The following SPATA18 variants were observed in gnomAD, a reference collection of about 807,000 sequenced individuals.
SPATA18 encodes spermatogenesis associated 18, also known as mitochondria-eating protein.
Under a neutral mutation model 68.1 loss-of-function variants are expected in SPATA18, and 54 were observed. The observed-to-expected ratio is 0.79, with a 90% CI of 0.64 to 0.99. The LOEUF (loss-of-function observed/expected upper bound fraction) is 0.99. Ranked by LOEUF, SPATA18 falls within the 50% of genes least tolerant of loss-of-function variation. The pLI, the probability that SPATA18 is intolerant of heterozygous loss-of-function variation, is 0.00. For missense variants in SPATA18, 724 were observed against 681.1 expected (o/e 1.06, Z -0.70); for synonymous variants, 242 against 244.8 (o/e 0.99, Z 0.11).
chr4:52,060,958 C>T (rs892243569), intron 3 of SPATA18, 61 bp downstream of exon 3: 6 of 1,338,308 alleles, frequency 4.5e-6, no homozygotes, highest in Non-Finnish European at 6.4e-6. Context: ...GAATCAGAAA[C>T]CTCCAAGAGA....
At position 52,076,265 on chromosome 4, in the gene SPATA18, A is replaced by T. The variant is rs915298079; in HGVS notation, c.759-514A>T. On this transcript the variant is annotated intron_variant, in intron 6 of 12. Coordinates refer to ENST00000295213, the MANE Select transcript of SPATA18 (RefSeq NM_145263.4). ...GTGATAGGCAAAAGGGTCATCTAAG[A>T]CACCAGACTTGAGGAGGTAGGAAGT... 6.6e-5 allele frequency among the ~76,000 whole-genome samples: 10 copies of T among 152,264 alleles called. 1 individual carries two copies. In the East Asian group the frequency reaches 7.7e-4, roughly 12 times the overall value.
intron 4 of SPATA18, 87 bp from the exon 5 acceptor site, chr4:52,069,734 C>A: frequency 1.2e-6 from 1 of 861,264 alleles, no homozygotes; most frequent in Non-Finnish European, 1.7e-6. Flanking sequence ...TGTCATATAC[C>A]AGAAGTTCCT....
intron 1 of SPATA18, among the ~76,000 whole-genome samples, chr4:52,057,053 T>G (rs1738410525): frequency 6.6e-6 from 1 of 152,144 alleles, no homozygotes; most frequent in African/African-American, 2.4e-5. Flanking sequence ...AGGTTATTTT[T>G]CTGCTCCTAT....
intron 4 of SPATA18, among the ~76,000 whole-genome samples, chr4:52,065,535 T>A (rs972221686): frequency 1.3e-5 from 2 of 152,236 alleles, no homozygotes; most frequent in Non-Finnish European, 2.9e-5. Flanking sequence ...CAACACCGTT[T>A]GTTGAATAGG....
chr4:52,056,979 G>A (rs980611229), intron 1 of SPATA18, among the ~76,000 whole-genome samples: 5 of 152,050 alleles, frequency 3.3e-5, no homozygotes, highest in African/African-American at 1.2e-4. Flanking sequence ...CCGCTAATAT[G>A]CCTTGGTGCC....
chr4:52,077,184 C>T, intron 7 of SPATA18, 144 bp downstream of exon 7: 1 of 867,720 alleles, frequency 1.2e-6, no homozygotes, highest in South Asian at 2.0e-5. Flanking sequence ...TGTCTCCTTC[C>T]TTCTCTTTCT....
intron 11 of SPATA18, 36 bp downstream of exon 11, chr4:52,085,035 ATCTATGGTTGGCTTT>A: frequency 6.7e-7 from 1 of 1,494,950 alleles, no homozygotes; most frequent in Non-Finnish European, 9.0e-7. Context: ...CACAAAATTC[ATCTATGGTTGGCTTT>A]TTTTTTTTTT....
intron 6 of SPATA18, among the ~76,000 whole-genome samples, chr4:52,074,726 A>G (rs1488079035): frequency 6.6e-6 from 1 of 152,218 alleles, no homozygotes; most frequent in African/African-American, 2.4e-5. Flanking sequence ...CAGGGTGTAC[A>G]TCCTAAAGTA....
intron 4 of SPATA18, among the ~76,000 whole-genome samples, chr4:52,067,504 A>G (rs1444787129): frequency 1.3e-5 from 2 of 152,160 alleles, no homozygotes; most frequent in Non-Finnish European, 2.9e-5. Context: ...GACCCAGTCT[A>G]CTGTCTACTT....
At position 52,079,939 on chromosome 4, in the gene SPATA18, A is replaced by C. The variant is rs1740777949; in HGVS notation, c.1355+20A>C. On this transcript the variant is annotated intron_variant, in intron 9 of 12. Transcript: ENST00000295213. ...TTGCAAGTAAGAGACACAGGAGCAG[A>C]AGCTAAGGGATTTATCATGAATACA... The C allele has an allele frequency of 6.2e-7, 1 of 1,604,642 alleles. No individual in the cohort carries two copies. Among genetic ancestry groups the C allele is most frequent in the South Asian group, 1.1e-5 (1 of 89,458 alleles).
At chr4:52,076,095 T>C (rs1740315317) in intron 6 of SPATA18, among the ~76,000 whole-genome samples, 1 of 152,142 alleles carries the variant, frequency 6.6e-6, no homozygotes, top group South Asian at 2.1e-4. Flanking sequence ...CATTTTGGGA[T>C]TTTCCGAGGA....
chr4:52,079,946 G>C, intron 9 of SPATA18, 27 bp downstream of exon 9: 1 of 1,601,894 alleles, frequency 6.2e-7, no homozygotes, highest in Non-Finnish European at 8.5e-7. Flanking sequence ...CAGAAGCTAA[G>C]GGATTTATCA....
intron 4 of SPATA18, among the ~76,000 whole-genome samples, chr4:52,066,309 C>T (rs1400864192): frequency 6.6e-6 from 1 of 152,036 alleles, no homozygotes; most frequent in Non-Finnish European, 1.5e-5. Context: ...CGCCACCATG[C>T]CTGGCTAATT....
chr4:52,094,638 C>A, intron 12 of SPATA18, 66 bp downstream of exon 12: 1 of 1,488,658 alleles, frequency 6.7e-7, no homozygotes, highest in Non-Finnish European at 9.4e-7. Flanking sequence ...GTACTTAGCA[C>A]TGAGCAGCAA....
intron 9 of SPATA18, among the ~76,000 whole-genome samples, chr4:52,080,467 G>T (rs758063642): frequency 1.3e-5 from 2 of 152,186 alleles, no homozygotes; most frequent in South Asian, 4.1e-4. Context: ...ACTTTTACAG[G>T]ATAAATATTC....
intron 1 of SPATA18, among the ~76,000 whole-genome samples, chr4:52,059,949 A>G (rs950241507): frequency 1.3e-5 from 2 of 152,156 alleles, no homozygotes; most frequent in Non-Finnish European, 2.9e-5. Context: ...TTATTGCTAT[A>G]AAAAACAACC....
intron 12 of SPATA18, 43 bp downstream of exon 12, chr4:52,094,615 A>G (rs777866410): frequency 6.3e-6 from 10 of 1,585,228 alleles, no homozygotes; most frequent in Non-Finnish European, 7.8e-6. Context: ...TCTGCTTTTT[A>G]ATACTCCTTC....
At chr4:52,056,925 A>G (rs1417587173) in intron 1 of SPATA18, among the ~76,000 whole-genome samples, 1 of 152,174 alleles carries the variant, frequency 6.6e-6, no homozygotes, top group South Asian at 2.1e-4. Flanking sequence ...TAATGTGGCA[A>G]GTCAAGTCTT....
At chr4:52,074,563 T>C (rs1485368767) in intron 6 of SPATA18, among the ~76,000 whole-genome samples, 2 of 151,966 alleles carry the variant, frequency 1.3e-5, no homozygotes, top group Non-Finnish European at 2.9e-5. Flanking sequence ...CATACATGAG[T>C]GGTATTAGGA....
Sources: gnomAD v4.1 joint callset for allele counts (sites outside exome capture counted in the v4.1 genomes callset) on GRCh38, gnomAD v4.1.1 for gene constraint, MANE v1.5 for transcripts, NCBI Gene and HGNC (gene_info 2026-07-23, HGNC 2026-07-21) for gene names.